Variants in AFG1L observed in about 807,000 individuals in gnomAD.
AFG1L encodes the protein AFG1 like ATPase.
In AFG1L, 53 loss-of-function variants were observed where a neutral mutation model predicts 62.2. The ratio of observed to expected loss-of-function variants is 0.85; its 90% CI spans 0.68 to 1.07. The LOEUF is 1.07. Among genes scored for constraint, AFG1L ranks in the 50% least tolerant of loss-of-function variants. AFG1L has a pLI of 0.00. For missense variants in AFG1L, 555 were observed against 590.5 expected, an observed-to-expected ratio of 0.94 and a Z score of 0.62; for synonymous variants, 228 against 210.3, an observed-to-expected ratio of 1.08 and a Z score of -0.73.
intron 3 of AFG1L, among the ~76,000 whole-genome samples, chr6:108,355,010 G>T (rs567286887): frequency 2.6e-4 from 39 of 151,750 alleles, no homozygotes; most frequent in Non-Finnish European, 3.4e-4. Flanking sequence ...AAATAGAAGT[G>T]TTACAATTGA....
At chr6:108,325,242 C>A (rs909405707) in intron 2 of AFG1L, among the ~76,000 whole-genome samples, 5 of 152,150 alleles carry the variant, frequency 3.3e-5, no homozygotes, top group African/African-American at 1.2e-4. Flanking sequence ...CATTTCCTTA[C>A]CTAGGCAAGC....
intron 8 of AFG1L, among the ~76,000 whole-genome samples, chr6:108,448,146 A>T (rs1384224126): frequency 6.6e-6 from 1 of 152,208 alleles, no homozygotes; most frequent in Non-Finnish European, 1.5e-5. Context: ...CATAATTAAA[A>T]TTGCATACTT....
intron 3 of AFG1L, among the ~76,000 whole-genome samples, chr6:108,348,498 A>G (rs1343605922): frequency 6.6e-6 from 1 of 152,254 alleles, no homozygotes; most frequent in Non-Finnish European, 1.5e-5. Flanking sequence ...AGATTTAGCT[A>G]ATCTAATAAG....
In AFG1L at chr6:108,428,768, C is replaced by T. The variant is rs540229733; in HGVS notation, c.808-18446C>T. 2.6e-4 allele frequency among the ~76,000 whole-genome samples: 39 copies of T among 152,058 alleles called. 1 individual carries two copies. The highest frequency in any genetic ancestry group is 8.9e-4 in the African/African-American group (37 of 41,510). ...TATCTTCTTTTGAGAAGTGTCTATTCGTGTTATTTTTCAACTTTTGATGAG... is the reference window on the plus strand; with the variant it reads ...TATCTTCTTTTGAGAAGTGTCTATTTGTGTTATTTTTCAACTTTTGATGAG... On this transcript the variant is annotated intron_variant, in intron 7 of 12. Coordinates refer to ENST00000368977, the MANE Select transcript of AFG1L (RefSeq NM_145315.5).
intron 2 of AFG1L, among the ~76,000 whole-genome samples, chr6:108,342,706 G>T (rs1237314901): frequency 6.6e-6 from 1 of 152,066 alleles, no homozygotes; most frequent in Non-Finnish European, 1.5e-5. Context: ...GAGAAAATTA[G>T]CTTGTTTCCC....
At chr6:108,451,691 C>G (rs997627982) in intron 8 of AFG1L, among the ~76,000 whole-genome samples, 1 of 133,442 alleles carries the variant, frequency 7.5e-6, no homozygotes, top group East Asian at 2.2e-4. Context: ...CAGAGATGAG[C>G]ACAGTTTGTT....
In AFG1L at chr6:108,324,005, A is replaced by G. The variant is rs1777929147; in HGVS notation, c.320A>G (p.Asp107Gly). The part of the protein sequence containing the change: ...VIQCLQKLHE[D>G]LKGYNIEAEG... The stretch of plus-strand genomic sequence containing the variant: ...CAGTGTTTGCAGAAATTACACGAGG[A>G]CCTTAAAGGATACAATATAGAGGCA... The change falls in exon 2 of 13, where the codon GAC (aspartate) becomes GGC (glycine). Residue 107 changes from aspartate (D) to glycine (G), a missense_variant. Transcript: ENST00000368977. 6.2e-7 allele frequency: 1 copy of G among 1,614,140 alleles called. No individual in the cohort carries two copies. Among genetic ancestry groups the G allele is most frequent in the Non-Finnish European group, 8.5e-7 (1 of 1,179,952 alleles).
intron 7 of AFG1L, among the ~76,000 whole-genome samples, chr6:108,413,769 G>A (rs930382181): frequency 7.9e-5 from 12 of 152,064 alleles, no homozygotes; most frequent in Non-Finnish European, 1.8e-4. Context: ...ATTCAAAGCA[G>A]TGTGTAGAGG....
At chr6:108,412,007 A>T (rs2114661133) in intron 7 of AFG1L, among the ~76,000 whole-genome samples, 1 of 152,320 alleles carries the variant, frequency 6.6e-6, no homozygotes, top group East Asian at 1.9e-4. Context: ...AAAGAAGCTA[A>T]AAACCTTGAA....
intron 8 of AFG1L, among the ~76,000 whole-genome samples, chr6:108,473,050 C>T (rs1424363822): frequency 1.3e-5 from 2 of 152,246 alleles, no homozygotes; most frequent in South Asian, 2.1e-4. Flanking sequence ...AATCTGACCA[C>T]CTCGGCTTCC....
chr6:108,300,632 G>A (rs962412524), intron 1 of AFG1L, among the ~76,000 whole-genome samples: 1 of 150,052 alleles, frequency 6.7e-6, no homozygotes, highest in African/African-American at 2.4e-5. Flanking sequence ...TGGACTTACT[G>A]TCTGTTTCCC....
chr6:108,430,101 C>T (rs1482028099), intron 7 of AFG1L, among the ~76,000 whole-genome samples: 1 of 152,100 alleles, frequency 6.6e-6, no homozygotes, highest in East Asian at 1.9e-4. Context: ...GTACCCGCCA[C>T]AACGCCCGGC....
At chr6:108,391,690 A>G (rs117864346) in intron 6 of AFG1L, among the ~76,000 whole-genome samples, 3,233 of 152,232 alleles carry the variant, frequency 0.021, 47 homozygotes, top group Non-Finnish European at 0.033. Context: ...TTTCTTGGTC[A>G]TGAAGTCTTT....
At chr6:108,309,758 A>G (rs959874714) in intron 1 of AFG1L, among the ~76,000 whole-genome samples, 30 of 152,144 alleles carry the variant, frequency 2.0e-4, no homozygotes, top group Non-Finnish European at 4.0e-4. Context: ...GCAGGTGTCA[A>G]ATACTTTAAG....
At chr6:108,510,735 G>T (rs1190627276) in intron 11 of AFG1L, among the ~76,000 whole-genome samples, 1 of 152,176 alleles carries the variant, frequency 6.6e-6, no homozygotes, top group Non-Finnish European at 1.5e-5. Flanking sequence ...TGCATAAACT[G>T]AATGCTCAGT....
intron 10 of AFG1L, among the ~76,000 whole-genome samples, chr6:108,499,638 G>GCTA (rs1409679763): frequency 6.7e-6 from 1 of 149,690 alleles, no homozygotes; most frequent in Admixed American, 6.7e-5. Flanking sequence ...TGTAGTTCTA[G>GCTA]CTACTCAGGA....
At chr6:108,488,460 A>G (rs1773651517) in intron 10 of AFG1L, among the ~76,000 whole-genome samples, 1 of 152,134 alleles carries the variant, frequency 6.6e-6, no homozygotes, top group South Asian at 2.1e-4. Flanking sequence ...TGGGGGGAGT[A>G]TGAGGCAGTA....
intron 6 of AFG1L, among the ~76,000 whole-genome samples, chr6:108,381,127 A>G (rs1169630298): frequency 6.6e-6 from 1 of 152,238 alleles, no homozygotes; most frequent in Non-Finnish European, 1.5e-5. Context: ...TTTATATTTC[A>G]TGGGACAATC....
intron 7 of AFG1L, among the ~76,000 whole-genome samples, chr6:108,415,197 C>A (rs9480853): frequency 0.042 from 6,311 of 152,050 alleles, 173 homozygotes; most frequent in Non-Finnish European, 0.048. Context: ...TAAAATACCT[C>A]GGAATCCAAC....
Sources: allele counts gnomAD v4.1 joint callset (sites outside exome capture counted in the v4.1 genomes callset), GRCh38; gene constraint gnomAD v4.1.1; transcripts MANE v1.5; gene names NCBI Gene and HGNC (gene_info 2026-07-23, HGNC 2026-07-21).